Variants in AUTS2 observed in about 807,000 individuals in gnomAD.
AUTS2 encodes activator of transcription and developmental regulator AUTS2.
A neutral mutation model predicts 112.4 loss-of-function variants in AUTS2; 17 were observed. The ratio of observed to expected loss-of-function variants is 0.15; its 90% CI spans 0.10 to 0.23. The LOEUF is 0.23. Among genes scored for constraint, AUTS2 ranks in the 10% least tolerant of loss-of-function variants. The pLI is 1.00. For missense variants in AUTS2, 1,510 were observed against 1,701.6 expected (o/e 0.89, Z 1.98); for synonymous variants, 751 against 702.7 (o/e 1.07, Z -1.09).
intron 2 of AUTS2, among the ~76,000 whole-genome samples, chr7:70,019,380 G>A (rs7809303): frequency 0.36 from 55,335 of 151,958 alleles, 10,610 homozygotes; most frequent in African/African-American, 0.48. Context: ...GTTTACCTAT[G>A]TAAGAGACCT....
At chr7:69,779,896 C>T (rs937602658) in intron 1 of AUTS2, among the ~76,000 whole-genome samples, 11 of 151,984 alleles carry the variant, frequency 7.2e-5, no homozygotes, top group African/African-American at 2.7e-4. Context: ...TGCTCTGTCA[C>T]CCAGGCTGGA....
chr7:70,272,178 A>G (rs922228223), intron 4 of AUTS2, among the ~76,000 whole-genome samples: 2 of 152,054 alleles, frequency 1.3e-5, no homozygotes, highest in African/African-American at 4.8e-5. Context: ...AAGAGATAAA[A>G]TGAATTTTAT....
At position 69,840,475 on chromosome 7, in the gene AUTS2, G is replaced by A. The variant is rs889483699; in HGVS notation, c.310-58811G>A. ...GAAGTCCAAAGGATGTGGAGATTAG[G>A]CAAATAACTGTGGTTTTGTTGAGCT... On this transcript the variant is annotated intron_variant, in intron 1 of 18. Transcript: ENST00000342771. Among the ~76,000 whole-genome samples, 7 of 152,296 alleles carry A rather than the reference G, an allele frequency of 4.6e-5. No individual in the cohort carries two copies. In the East Asian group the frequency reaches 1.4e-3, roughly 29 times the overall value.
intron 6 of AUTS2, among the ~76,000 whole-genome samples, chr7:70,708,185 A>G (rs1337704887): frequency 1.3e-5 from 2 of 152,144 alleles, no homozygotes; most frequent in Non-Finnish European, 2.9e-5. Flanking sequence ...TTTAGCCAAG[A>G]TTACATCATT....
At chr7:69,612,477 T>A (rs1195558281) in intron 1 of AUTS2, among the ~76,000 whole-genome samples, 1 of 152,170 alleles carries the variant, frequency 6.6e-6, no homozygotes, top group Non-Finnish European at 1.5e-5. Flanking sequence ...TTTTTTTTTT[T>A]TAGACATGTT....
intron 2 of AUTS2, among the ~76,000 whole-genome samples, chr7:69,979,511 A>C (rs1798205250): frequency 6.6e-6 from 1 of 152,246 alleles, no homozygotes; most frequent in Non-Finnish European, 1.5e-5. Flanking sequence ...TAGTACAAGG[A>C]GGTAAATGGA....
intron 4 of AUTS2, among the ~76,000 whole-genome samples, chr7:70,138,924 C>A (rs1401953213): frequency 6.6e-6 from 1 of 151,940 alleles, no homozygotes; most frequent in Non-Finnish European, 1.5e-5. Context: ...GACTATAAAC[C>A]CTTGAAATAT....
intron 3 of AUTS2, among the ~76,000 whole-genome samples, chr7:70,122,236 T>C (rs996942423): frequency 9.9e-5 from 15 of 152,132 alleles, no homozygotes; most frequent in African/African-American, 3.4e-4. Flanking sequence ...GAGTTTCTTT[T>C]TGGGGATGAT....
intron 2 of AUTS2, among the ~76,000 whole-genome samples, chr7:69,947,502 G>T (rs1796860826): frequency 6.6e-6 from 1 of 152,162 alleles, no homozygotes; most frequent in Admixed American, 6.5e-5. Flanking sequence ...TTTGTTGGCT[G>T]TGGAAATACC....
intron 2 of AUTS2, among the ~76,000 whole-genome samples, chr7:70,043,588 CCTTCCT>C (rs1563060770): frequency 4.0e-5 from 4 of 99,730 alleles, no homozygotes; most frequent in Non-Finnish European, 2.1e-5. Flanking sequence ...TTCCTTCCTT[CCTTCCT>C]TCCTTCCTTC....
At chr7:69,734,819 G>C (rs1008485678) in intron 1 of AUTS2, among the ~76,000 whole-genome samples, 3 of 151,994 alleles carry the variant, frequency 2.0e-5, no homozygotes, top group Admixed American at 2.0e-4. Context: ...GCTCTGAAAA[G>C]GTTTTTATAT....
chr7:69,819,224 A>G (rs1425631572), intron 1 of AUTS2, among the ~76,000 whole-genome samples: 2 of 152,240 alleles, frequency 1.3e-5, no homozygotes, highest in African/African-American at 4.8e-5. Context: ...TCCAGTAGAA[A>G]TGGAATTTTT....
intron 6 of AUTS2, among the ~76,000 whole-genome samples, chr7:70,742,426 T>C (rs904520297): frequency 1.3e-5 from 2 of 152,302 alleles, no homozygotes; most frequent in East Asian, 3.9e-4. Context: ...AGGAGCAGCA[T>C]AGAGGAGAAA....
intron 4 of AUTS2, among the ~76,000 whole-genome samples, chr7:70,301,935 TG>T (rs976234549): frequency 4.5e-5 from 6 of 133,996 alleles, no homozygotes; most frequent in African/African-American, 1.2e-4. Flanking sequence ...TTGTTTTTTG[TG>T]GTTTTTTTTT....
intron 2 of AUTS2, among the ~76,000 whole-genome samples, chr7:70,113,598 A>G (rs1384582076): frequency 6.6e-6 from 1 of 152,206 alleles, no homozygotes; most frequent in Non-Finnish European, 1.5e-5. Flanking sequence ...CTGAAAAAGG[A>G]TATGTGCTAC....
chr7:69,748,048 G>A (rs1268324379), intron 1 of AUTS2, among the ~76,000 whole-genome samples: 4 of 151,560 alleles, frequency 2.6e-5, no homozygotes, highest in African/African-American at 7.3e-5. Flanking sequence ...TTTTTCTTTA[G>A]GGTTCCTTAT....
intron 8 of AUTS2, among the ~76,000 whole-genome samples, chr7:70,765,383 G>T (rs1406189660): frequency 6.6e-6 from 1 of 152,180 alleles, no homozygotes; most frequent in Non-Finnish European, 1.5e-5. Flanking sequence ...ATCTTAGATT[G>T]TGTCCTGGTT....
At chr7:70,455,661 C>T (rs959318807) in intron 5 of AUTS2, among the ~76,000 whole-genome samples, 1 of 152,134 alleles carries the variant, frequency 6.6e-6, no homozygotes. Flanking sequence ...TGGCTCATGC[C>T]TGTAGTTTCA....
At chr7:69,635,807 C>G (rs778724249) in intron 1 of AUTS2, among the ~76,000 whole-genome samples, 3 of 152,232 alleles carry the variant, frequency 2.0e-5, no homozygotes, top group East Asian at 1.9e-4. Context: ...AAACACTTGT[C>G]GCTACTGACA....
Sources: gnomAD v4.1 joint callset for allele counts (sites outside exome capture counted in the v4.1 genomes callset) on GRCh38, gnomAD v4.1.1 for gene constraint, MANE v1.5 for transcripts, NCBI Gene and HGNC (gene_info 2026-07-23, HGNC 2026-07-21) for gene names.